The following MED12L variants were observed in gnomAD, a reference collection of about 807,000 sequenced individuals.
MED12L encodes mediator of RNA polymerase II transcription subunit 12-like protein.
Under a neutral mutation model 281.3 loss-of-function variants are expected in MED12L, and 60 were observed. The observed-to-expected ratio is 0.21, with a 90% CI of 0.17 to 0.26. The LOEUF is 0.26. Among genes scored for constraint, MED12L ranks in the 10% least tolerant of loss-of-function variants. The pLI is 1.00. For missense variants in MED12L, 2,146 were observed against 2,680.9 expected (o/e 0.80, Z 4.41); for synonymous variants, 974 against 987.2 (o/e 0.99, Z 0.25).
At chr3:151,303,738 G>C (rs1304087162) in intron 16 of MED12L, among the ~76,000 whole-genome samples, 1 of 152,174 alleles carries the variant, frequency 6.6e-6, no homozygotes, top group African/African-American at 2.4e-5. Flanking sequence ...ACTGCAGCCT[G>C]GATGACAGGG....
intron 16 of MED12L, among the ~76,000 whole-genome samples, chr3:151,209,623 G>T (rs1437466371): frequency 6.6e-6 from 1 of 152,084 alleles, no homozygotes; most frequent in Non-Finnish European, 1.5e-5. Flanking sequence ...TGTCATTTTG[G>T]GGGAGTGATC....
At chr3:151,186,662 C>G (rs1396285620) in intron 12 of MED12L, among the ~76,000 whole-genome samples, 1 of 152,182 alleles carries the variant, frequency 6.6e-6, no homozygotes, top group Non-Finnish European at 1.5e-5. Context: ...TCCAGCATTC[C>G]TAGCTCAACA....
At chr3:151,124,719 C>G (rs1263972176) in intron 4 of MED12L, among the ~76,000 whole-genome samples, 2 of 152,190 alleles carry the variant, frequency 1.3e-5, no homozygotes, top group East Asian at 3.8e-4. Context: ...TGGTTTTCTG[C>G]TACTGTGAAG....
chr3:151,351,518 A>G (rs1753237263), intron 17 of MED12L, among the ~76,000 whole-genome samples: 1 of 152,206 alleles, frequency 6.6e-6, no homozygotes, highest in Non-Finnish European at 1.5e-5. Context: ...GTTTGAAAAA[A>G]GAAAGTGCTC....
chr3:151,163,116 C>A (rs1720212402), intron 8 of MED12L, among the ~76,000 whole-genome samples: 1 of 152,180 alleles, frequency 6.6e-6, no homozygotes, highest in Admixed American at 6.5e-5. Context: ...GGTTACTAAT[C>A]TACGCGGCTC....
At chr3:151,214,928 T>G (rs1576993402) in intron 16 of MED12L, among the ~76,000 whole-genome samples, 1 of 152,212 alleles carries the variant, frequency 6.6e-6, no homozygotes, top group Non-Finnish European at 1.5e-5. Flanking sequence ...AAAGAGAAAT[T>G]TTTATGGATT....
chr3:151,382,998 A>G (rs1712675262), intron 33 of MED12L, among the ~76,000 whole-genome samples: 1 of 152,180 alleles, frequency 6.6e-6, no homozygotes, highest in African/African-American at 2.4e-5. Context: ...ACCCCAGTGA[A>G]TCTCTCCTTC....
chr3:151,186,905 C>G (rs780204599), intron 12 of MED12L, among the ~76,000 whole-genome samples: 14 of 152,208 alleles, frequency 9.2e-5, no homozygotes, highest in Non-Finnish European at 2.9e-5. Flanking sequence ...ATAGTGCTCA[C>G]TGCATAGTAG....
rs1010001838 is a variant in MED12L, at chr3:151,394,661, T to C, written c.5614T>C (p.Ser1872Pro). Reference protein sequence around the residue: ...LQNQSLTPGGSRLDPAGSFVP... With the variant: ...LQNQSLTPGGPRLDPAGSFVP... The stretch of plus-strand genomic sequence containing the variant: ...CCTTTTGGTTGCTTTTGTAGGTGGC[T>C]CCAGATTGGACCCTGCAGGCTCCTT... Residue 1872 changes from serine to proline, a missense_variant, in exon 39 of 45, where the codon TCC becomes CCC. Physicochemically the swap from Ser to Pro is moderately conservative, Grantham distance 74 (BLOSUM62 -1). Around this residue, in one of 9 missense-constraint regions of MED12L, gnomAD observed 496 missense variants for 512.0 expected, o/e 0.97. Transcript: ENST00000687756. The C allele has an allele frequency of 5.6e-6, 9 of 1,614,234 alleles. No homozygotes were observed. The highest frequency in any genetic ancestry group is 7.6e-6 in the Non-Finnish European group (9 of 1,180,038).
chr3:151,383,049 T>A (rs577101005), intron 33 of MED12L, among the ~76,000 whole-genome samples: 3 of 152,250 alleles, frequency 2.0e-5, no homozygotes, highest in Non-Finnish European at 2.9e-5. Context: ...AAGACTGTTA[T>A]AAGTGTTAGC....
intron 16 of MED12L, chr3:151,213,953 TATA>T (rs1727663042): frequency 6.2e-7 from 1 of 1,614,128 alleles, no homozygotes; most frequent in East Asian, 2.2e-5. Flanking sequence ...TTTACAATTT[TATA>T]ATATCTGTCA....
chr3:151,328,644 C>T (rs1399820673), intron 16 of MED12L: 1 of 1,613,868 alleles, frequency 6.2e-7, no homozygotes, highest in Non-Finnish European at 8.5e-7. Context: ...CTGTCAAAGG[C>T]TATGAGCCCT....
chr3:151,427,364 G>A (rs990596246), intron 43 of MED12L, among the ~76,000 whole-genome samples: 2 of 152,122 alleles, frequency 1.3e-5, no homozygotes, highest in South Asian at 2.1e-4. Flanking sequence ...CTCTGACTAT[G>A]TACTACCTCT....
At chr3:151,161,572 T>C (rs1398924620) in intron 8 of MED12L, among the ~76,000 whole-genome samples, 1 of 152,160 alleles carries the variant, frequency 6.6e-6, no homozygotes, top group Admixed American at 6.5e-5. Flanking sequence ...AACAGTAATA[T>C]TGTCATAATT....
rs149914374 is a variant in MED12L, at chr3:151,264,751, C to T, written c.2250+71085C>T. 5.1e-3 allele frequency among the ~76,000 whole-genome samples: 772 copies of T among 152,262 alleles called. 12 individuals carry two copies. The highest frequency in any genetic ancestry group is 0.017 in the African/African-American group (720 of 41,572). On this transcript the variant is annotated intron_variant, in intron 16 of 44. Transcript: ENST00000687756. ...AATTAAGTCTTGCTACTCCCTTGCT[C>T]AGGCCCACCCAGTGCGTGTGTGTGT... is the stretch of plus-strand genomic sequence containing the variant.
intron 17 of MED12L, among the ~76,000 whole-genome samples, chr3:151,354,270 G>A (rs1753652829): frequency 6.6e-6 from 1 of 151,784 alleles, no homozygotes; most frequent in Admixed American, 6.6e-5. Context: ...TTAAAAGCAG[G>A]ATTGAAGCTA....
intron 16 of MED12L, among the ~76,000 whole-genome samples, chr3:151,304,808 C>T (rs1319394409): frequency 6.6e-6 from 1 of 152,142 alleles, no homozygotes; most frequent in Non-Finnish European, 1.5e-5. Flanking sequence ...TGAACGTTTA[C>T]AAAGCAGCCT....
At chr3:151,210,459 A>C (rs1377692323) in intron 16 of MED12L, among the ~76,000 whole-genome samples, 1 of 152,228 alleles carries the variant, frequency 6.6e-6, no homozygotes, top group Non-Finnish European at 1.5e-5. Flanking sequence ...GGTAGATGTC[A>C]GTGTGTGATC....
intron 27 of MED12L, 43 bp from the exon 28 acceptor site, chr3:151,375,983 C>G: frequency 1.1e-6 from 1 of 942,534 alleles, no homozygotes; most frequent in South Asian, 2.0e-5. Flanking sequence ...ATATATATAC[C>G]GAAAGCCAGT....
Sources: allele counts gnomAD v4.1 joint callset (sites outside exome capture counted in the v4.1 genomes callset), GRCh38; gene constraint gnomAD v4.1.1; regional missense constraint gnomAD v4.1.1; transcripts MANE v1.5; gene names NCBI Gene and HGNC (gene_info 2026-07-23, HGNC 2026-07-21).